TECR: variants seen among roughly 807,000 people sequenced by gnomAD.
TECR encodes the protein trans-2,3-enoyl-CoA reductase.
In TECR, 19 loss-of-function variants were observed where a neutral mutation model predicts 50.6. That is an observed-to-expected ratio of 0.38 (90% CI 0.26 to 0.55). The LOEUF (loss-of-function observed/expected upper bound fraction) is 0.55. Among genes scored for constraint, TECR ranks in the 20% least tolerant of loss-of-function variants. TECR has a pLI of 0.79. For missense variants in TECR, 313 were observed against 408.3 expected, an observed-to-expected ratio of 0.77 and a Z score of 2.01; for synonymous variants, 168 against 163.5, an observed-to-expected ratio of 1.03 and a Z score of -0.21.
chr19:14,541,339 C>T (rs1034720685), intron 1 of TECR, among the ~76,000 whole-genome samples: 1 of 152,190 alleles, frequency 6.6e-6, no homozygotes, highest in Non-Finnish European at 1.5e-5. Flanking sequence ...CGTGGCTGTC[C>T]TGTTCCCCAT....
chr19:14,530,412 T>C (rs2072590096), intron 1 of TECR: 1 of 152,232 alleles, frequency 6.6e-6, no homozygotes, highest in Non-Finnish European at 1.5e-5. Flanking sequence ...GGTGATAATA[T>C]AATATTAATA....
chr19:14,555,633 G>A (rs2073694777), intron 1 of TECR, among the ~76,000 whole-genome samples: 1 of 151,574 alleles, frequency 6.6e-6, no homozygotes, highest in South Asian at 2.1e-4. Context: ...TTTACACGGG[G>A]TTTTACCATG....
At chr19:14,553,919 C>G (rs1166815856) in intron 1 of TECR, among the ~76,000 whole-genome samples, 2 of 152,126 alleles carry the variant, frequency 1.3e-5, no homozygotes, top group Non-Finnish European at 2.9e-5. Context: ...TTGCACTGAC[C>G]AGGGCTCGCA....
intron 1 of TECR, among the ~76,000 whole-genome samples, chr19:14,558,411 C>T (rs1222316214): frequency 6.6e-6 from 1 of 152,252 alleles, no homozygotes; most frequent in East Asian, 1.9e-4. Context: ...CCCCTGCTCC[C>T]TCTTGCAGGG....
rs1044431686 is a variant in TECR at position 14,529,665 on chromosome 19, C to T, written c.-32C>T. On this transcript the variant is annotated 5_prime_UTR_variant, in exon 1 of 13. Coordinates refer to ENST00000215567, the MANE Select transcript of TECR (RefSeq NM_138501.6). Reference sequence around the variant, plus strand: ...GTGCCGCGCAGTTAGGCAGCAGCAGCCGCGGAGCAGTAGCCGCCGTGGGAG... The same window carrying T: ...GTGCCGCGCAGTTAGGCAGCAGCAGTCGCGGAGCAGTAGCCGCCGTGGGAG... 8 of 1,613,762 alleles carry T rather than the reference C, an allele frequency of 5.0e-6. No homozygotes were observed. The highest frequency in any genetic ancestry group is 1.3e-5 in the African/African-American group (1 of 75,072).
Position 14,560,884 on chromosome 19 carries a change from T to G in TECR, c.16-1641T>G, listed in dbSNP as rs1261554049. Among the ~76,000 whole-genome samples the G allele has an allele frequency of 3.3e-5, 5 of 152,106 alleles. No individual in the cohort carries two copies. In the East Asian group the frequency reaches 9.7e-4, roughly 29 times the overall value. On this transcript the variant is annotated intron_variant, in intron 1 of 12. Coordinates refer to ENST00000215567, the MANE Select transcript of TECR (RefSeq NM_138501.6). Reference sequence around the variant, plus strand: ...CTCCTATCCCATGGGGTGCCTCCCATCTGTCAGGGGTCACCTAGTGTACCC... The same window carrying G: ...CTCCTATCCCATGGGGTGCCTCCCAGCTGTCAGGGGTCACCTAGTGTACCC...
chr19:14,545,208 C>G, intron 1 of TECR: 2 of 456,740 alleles, frequency 4.4e-6, no homozygotes, highest in Non-Finnish European at 8.8e-6. Flanking sequence ...TGTCTTGGCT[C>G]TGCTCCAGCC....
At chr19:14,528,335 G>T (rs1366384056), upstream of TECR, among the ~76,000 whole-genome samples, 2 of 151,526 alleles carry the variant, frequency 1.3e-5, no homozygotes, top group African/African-American at 2.4e-5. Context: ...CGCCTCCCGG[G>T]TTCAAGCAAT....
intron 1 of TECR, chr19:14,530,825 T>A (rs2072615914): frequency 6.6e-6 from 1 of 152,162 alleles, no homozygotes; most frequent in Non-Finnish European, 1.5e-5. Context: ...AAGTGTGCAG[T>A]TCAGTGGCAT....
intron 1 of TECR, chr19:14,530,043 T>C: frequency 2.2e-6 from 1 of 456,014 alleles, no homozygotes; most frequent in African/African-American, 2.0e-5. Context: ...TGCGGGACCC[T>C]TGCTCCCAAT....
chr19:14,535,584 A>ATATATGTATATG (rs1555729580), intron 1 of TECR, among the ~76,000 whole-genome samples: 2 of 38,594 alleles, frequency 5.2e-5, no homozygotes, highest in African/African-American at 1.9e-4. Context: ...ATATATATAT[A>ATATATGTATATG]TATATGTATG....
rs774128838 is a variant in TECR, at chr19:14,563,096, C to G, written c.67-110C>G. ...GAGGCCTGGACCCCAGCCCTTCCCC[C>G]TTCCCATAGCTACAGCCCAACCCCC... On this transcript the variant is annotated intron_variant, in intron 2 of 12. Coordinates refer to ENST00000215567, the MANE Select transcript of TECR (RefSeq NM_138501.6). This position sits in a 1 kb window ranked among gnomAD's most constrained non-coding sequence, Gnocchi z 5.3. 18 of 1,413,450 alleles carry G rather than the reference C, an allele frequency of 1.3e-5. No individual in the cohort carries two copies. In the Admixed American group the frequency reaches 2.6e-4, roughly 20 times the overall value. The allele number at this position is 1,413,450 out of a possible 1,614,324, so 87.6% of individuals were successfully genotyped here.
chr19:14,547,963 C>CTTTT (rs1043298294), intron 1 of TECR, among the ~76,000 whole-genome samples: 1 of 125,672 alleles, frequency 8.0e-6, no homozygotes, highest in Non-Finnish European at 1.7e-5. Context: ...ATGGGCATTT[C>CTTTT]TTTTTTTTTT....
intron 1 of TECR, among the ~76,000 whole-genome samples, chr19:14,541,554 C>T (rs1196689552): frequency 6.6e-6 from 1 of 152,168 alleles, no homozygotes; most frequent in African/African-American, 2.4e-5. Context: ...TGCTAAGAAT[C>T]GTGGGATGAA....
rs201143792 is a variant in TECR at position 14,565,897 on chromosome 19, C to T, written c.*26C>T. On this transcript the variant is annotated 3_prime_UTR_variant, in exon 13 of 13. Coordinates refer to ENST00000215567, the MANE Select transcript of TECR (RefSeq NM_138501.6). ...GCGCTCACCCCTGCTGAGGCTCAGC[C>T]CCTCAACCCGGTGGCATTCTGGGGG... The T allele has an allele frequency of 5.2e-4, 810 of 1,564,794 alleles. 6 individuals are homozygous for T. In the African/African-American group the frequency reaches 9.8e-3, roughly 19 times the overall value.
intron 1 of TECR, among the ~76,000 whole-genome samples, chr19:14,541,958 G>A (rs1280067842): frequency 2.0e-5 from 3 of 151,884 alleles, no homozygotes; most frequent in Admixed American, 2.0e-4. Flanking sequence ...CGTATTTTTT[G>A]TATGTGTAGT....
At chr19:14,555,573 G>A (rs981256980) in intron 1 of TECR, among the ~76,000 whole-genome samples, 5 of 149,772 alleles carry the variant, frequency 3.3e-5, no homozygotes, top group African/African-American at 1.2e-4. Context: ...AGCCTCCCAA[G>A]TGGCTGGGAT....
rs552134908 is a variant in TECR, at chr19:14,560,231, T to TA, written c.16-2293dup. Among the ~76,000 whole-genome samples, 19 of 152,200 alleles carry TA rather than the reference T, an allele frequency of 1.2e-4. No individual in the cohort carries two copies. In the South Asian group the frequency reaches 2.3e-3, roughly 18 times the overall value. On this transcript the variant is annotated intron_variant, in intron 1 of 12. Coordinates refer to ENST00000215567, the MANE Select transcript of TECR (RefSeq NM_138501.6). ...GGTGCCCAGGTTGGGGGGAGCAGGG[T>TA]ACGATTTCACCCCTCCCACTAGCAG...
chr19:14,529,341 C>T (rs1332088153), upstream of TECR: 1 of 455,822 alleles, frequency 2.2e-6, no homozygotes, highest in Non-Finnish European at 4.1e-6. Flanking sequence ...CATCAGGGGG[C>T]GTGGCAAAGG....
Sources: allele counts gnomAD v4.1 joint callset (sites outside exome capture counted in the v4.1 genomes callset), GRCh38; gene constraint gnomAD v4.1.1; non-coding constraint Gnocchi (gnomAD v3.1); transcripts MANE v1.5; gene names NCBI Gene and HGNC (gene_info 2026-07-23, HGNC 2026-07-21).